The following DCDC1 variants were observed in gnomAD, a reference collection of about 807,000 sequenced individuals.
DCDC1 encodes doublecortin domain-containing protein 1.
A neutral mutation model predicts 178.3 loss-of-function variants in DCDC1; 200 were observed. The ratio of observed to expected loss-of-function variants is 1.12; its 90% confidence interval spans 1.00 to 1.26. DCDC1 has a LOEUF of 1.26. Among genes scored for constraint, DCDC1 ranks in the 50% most tolerant of loss-of-function variants. The pLI, the probability that DCDC1 is intolerant of heterozygous loss-of-function variation, is 0.00. For synonymous variants in DCDC1, 690 were observed against 604.8 expected, an observed-to-expected ratio of 1.14 and a Z score of -2.07; for missense variants, 1,983 against 1,749.2, an observed-to-expected ratio of 1.13 and a Z score of -2.38.
Position 30,916,920 on chromosome 11 carries a change from C to A in DCDC1, c.3402G>T (p.Lys1134Asn). ...TTTCAAAGAGCCCTTTTTCCGTTTT[C>A]TTTGGAAGACTGTCATCCTCATCAA... ...HDFDEDDSLP[K>N]KTEKGLFENV... Residue 1134 changes from lysine (K) to asparagine (N), a missense_variant, in exon 26 of 39, where the codon AAG (lysine) becomes AAT (asparagine). Coordinates refer to ENST00000684477, the MANE Select transcript of DCDC1 (RefSeq NM_001387274.1). 6 of 1,608,594 alleles carry A rather than the reference C, an allele frequency of 3.7e-6. No individual in the cohort carries two copies. The South Asian group carries it at 5.6e-5, about 15-fold the overall frequency.
chr11:31,223,855 A>G (rs998185278), intron 9 of DCDC1, among the ~76,000 whole-genome samples: 12 of 152,134 alleles, frequency 7.9e-5, no homozygotes, highest in Admixed American at 2.6e-4. Context: ...ACACATATGC[A>G]TATATACATA....
intron 20 of DCDC1, among the ~76,000 whole-genome samples, chr11:30,979,597 T>A (rs1950283206): frequency 6.6e-6 from 1 of 152,170 alleles, no homozygotes; most frequent in Non-Finnish European, 1.5e-5. Flanking sequence ...GAATTATGGT[T>A]AATTTTTCAC....
Position 30,917,003 on chromosome 11 carries a change from G to T in DCDC1, c.3319C>A (p.Arg1107=). The T allele has an allele frequency of 6.2e-7, 1 of 1,608,022 alleles. No individual in the cohort carries two copies. The highest frequency in any genetic ancestry group is 8.5e-7 in the Non-Finnish European group (1 of 1,177,486). ...ILDSHVRAHL[R]MKACHTLPRY... ...GGAAGTGTGTGACAAGCCTTCATTC[G>T]AAGATGAGCTCTTACGTGTGAATCT... Residue 1107 remains arginine, a synonymous_variant, in exon 26 of 39, where the codon CGA becomes AGA. Coordinates refer to ENST00000684477, the MANE Select transcript of DCDC1 (RefSeq NM_001387274.1).
chr11:30,917,061 GA>G, intron 25 of DCDC1, 33 bp from the exon 26 acceptor site: 2 of 1,560,934 alleles, frequency 1.3e-6, no homozygotes, highest in Middle Eastern at 3.4e-4. Context: ...ATAAGTCTAA[GA>G]AATCTCATTC....
At chr11:30,878,875 T>C (rs974302257) in intron 37 of DCDC1, among the ~76,000 whole-genome samples, 164 bp from the exon 38 acceptor site, 6 of 152,136 alleles carry the variant, frequency 3.9e-5, no homozygotes, top group Non-Finnish European at 8.8e-5. Context: ...AGATATATTG[T>C]TAATAGTCTT....
At position 31,250,481 on chromosome 11, in the gene DCDC1, A is replaced by G. The variant is rs143549328; in HGVS notation, c.1055-8865T>C. On this transcript the variant is annotated intron_variant, in intron 8 of 38. Transcript: ENST00000684477. ...GGCTTGACTTTAGGCTACAGTTTAT[A>G]TCATTTTGAGTCACCCCCAACCCCC... 3.3e-4 allele frequency among the ~76,000 whole-genome samples: 46 copies of G among 140,222 alleles called. 1 individual carries two copies. Among genetic ancestry groups the G allele is most frequent in the Middle Eastern group, 3.7e-3 (1 of 272 alleles). The allele number at this position is 140,222 out of a possible 152,430, so 92.0% of individuals were successfully genotyped here.
chr11:30,944,857 A>G (rs1947902984), intron 21 of DCDC1, among the ~76,000 whole-genome samples: 1 of 152,148 alleles, frequency 6.6e-6, no homozygotes, highest in Non-Finnish European at 1.5e-5. Flanking sequence ...ACTCCACACA[A>G]AAGCTACTGT....
At chr11:31,198,972 T>C (rs1414849210) in intron 9 of DCDC1, among the ~76,000 whole-genome samples, 3 of 152,022 alleles carry the variant, frequency 2.0e-5, no homozygotes, top group Non-Finnish European at 2.9e-5. Flanking sequence ...ATGAATTAAA[T>C]TGGTTTATTG....
At chr11:31,249,713 A>G (rs1010478044) in intron 8 of DCDC1, among the ~76,000 whole-genome samples, 11 of 152,276 alleles carry the variant, frequency 7.2e-5, no homozygotes, top group African/African-American at 2.6e-4. Context: ...AGCACTTAGC[A>G]CCCTTCTTCA....
At chr11:31,171,503 C>T (rs975717134) in intron 9 of DCDC1, among the ~76,000 whole-genome samples, 1 of 152,134 alleles carries the variant, frequency 6.6e-6, no homozygotes, top group Non-Finnish European at 1.5e-5. Context: ...CTGGATACAC[C>T]ATATCTCTTC....
intron 17 of DCDC1, among the ~76,000 whole-genome samples, chr11:31,081,030 T>C (rs896043977): frequency 1.3e-5 from 2 of 152,162 alleles, no homozygotes; most frequent in African/African-American, 4.8e-5. Flanking sequence ...TACAGCATCT[T>C]CTCTCAAAAC....
intron 25 of DCDC1, among the ~76,000 whole-genome samples, chr11:30,920,000 T>TC: frequency 6.6e-6 from 1 of 152,272 alleles, no homozygotes; most frequent in Admixed American, 6.5e-5. Context: ...GTAATTGACT[T>TC]CAATGCTAAA....
intron 27 of DCDC1, among the ~76,000 whole-genome samples, chr11:30,913,859 C>T (rs1945633358): frequency 6.6e-6 from 1 of 152,238 alleles, no homozygotes; most frequent in Admixed American, 6.5e-5. Flanking sequence ...CGTAGGGTCA[C>T]ATTCTCATTC....
intron 21 of DCDC1, among the ~76,000 whole-genome samples, chr11:30,949,644 G>A (rs1948288281): frequency 6.6e-6 from 1 of 152,090 alleles, no homozygotes; most frequent in African/African-American, 2.4e-5. Context: ...AGAAAATGTG[G>A]CACATATACA....
intron 7 of DCDC1, among the ~76,000 whole-genome samples, chr11:31,279,776 A>G (rs1197759532): frequency 6.6e-6 from 1 of 152,096 alleles, no homozygotes; most frequent in African/African-American, 2.4e-5. Flanking sequence ...CAGGAGAAAT[A>G]CCTAATGTAG....
intron 9 of DCDC1, among the ~76,000 whole-genome samples, chr11:31,190,601 AG>A (rs1350973169): frequency 6.6e-6 from 1 of 152,124 alleles, no homozygotes; most frequent in African/African-American, 2.4e-5. Flanking sequence ...TCTGATACAC[AG>A]TGCCAAATCA....
At chr11:31,056,256 AT>A (rs1955577805) in intron 20 of DCDC1, among the ~76,000 whole-genome samples, 1 of 152,060 alleles carries the variant, frequency 6.6e-6, no homozygotes. Context: ...AAAATAATAA[AT>A]TTTAGAGGAG....
intron 37 of DCDC1, among the ~76,000 whole-genome samples, chr11:30,879,050 C>T (rs1411521798): frequency 6.6e-6 from 1 of 152,114 alleles, no homozygotes; most frequent in African/African-American, 2.4e-5. Context: ...TGGCATAAAA[C>T]ACTCTTTTAA....
Position 31,144,340 on chromosome 11 carries a change from A to G in DCDC1, c.1222-6556T>C, listed in dbSNP as rs574120465. ...TAATTTTTTGTAGAGACGGGGTTTCACCATGTTGCTCAGGCATCAAACTCC... is the reference window on the plus strand; with the variant it reads ...TAATTTTTTGTAGAGACGGGGTTTCGCCATGTTGCTCAGGCATCAAACTCC... On this transcript the variant is annotated intron_variant, in intron 9 of 38. Transcript: ENST00000684477. Among the ~76,000 whole-genome samples, 4 of 151,950 alleles carry G rather than the reference A, an allele frequency of 2.6e-5. No individual in the cohort carries two copies. In the South Asian group the frequency reaches 8.3e-4, roughly 32 times the overall value.
Sources: allele counts gnomAD v4.1 joint callset (sites outside exome capture counted in the v4.1 genomes callset), GRCh38; gene constraint gnomAD v4.1.1; transcripts MANE v1.5; gene names NCBI Gene and HGNC (gene_info 2026-07-23, HGNC 2026-07-21).